Variants in GLRA3 observed in about 807,000 individuals in gnomAD.
The protein encoded by GLRA3 is glycine receptor subunit alpha-3.
GLRA3 carries 44 observed loss-of-function variants against 60.4 expected under a neutral mutation model. The ratio of observed to expected loss-of-function variants is 0.73; its 90% CI spans 0.57 to 0.94. The LOEUF (loss-of-function observed/expected upper bound fraction) is 0.94. Ranked by LOEUF, GLRA3 falls within the 40% of genes least tolerant of loss-of-function variation. The probability of loss-of-function intolerance (pLI) is 0.00; values close to 1 mark genes in which losing one functional copy is unlikely to be tolerated. For synonymous variants in GLRA3, 223 were observed against 192.9 expected (o/e 1.16, Z -1.29); for missense variants, 508 against 564.6 (o/e 0.90, Z 1.02).
At chr4:174,723,061 A>G (rs1269344082) in intron 4 of GLRA3, 2 of 167,084 alleles carry the variant, frequency 1.2e-5, no homozygotes, top group Non-Finnish European at 2.9e-5. Context: ...TGAGCAATTC[A>G]TAATGGATGA....
chr4:174,793,681 T>C (rs1739453060), intron 1 of GLRA3, among the ~76,000 whole-genome samples: 1 of 152,104 alleles, frequency 6.6e-6, no homozygotes, highest in African/African-American at 2.4e-5. Flanking sequence ...CATGAGCCAC[T>C]GCACCTGGCC....
chr4:174,758,092 G>A (rs1447990149), intron 3 of GLRA3, among the ~76,000 whole-genome samples: 1 of 152,122 alleles, frequency 6.6e-6, no homozygotes, highest in East Asian at 1.9e-4. Flanking sequence ...TGCCATGAGT[G>A]GAAGTAGATG....
intron 1 of GLRA3, among the ~76,000 whole-genome samples, chr4:174,796,527 T>C: frequency 6.6e-6 from 1 of 152,054 alleles, no homozygotes; most frequent in East Asian, 1.9e-4. Flanking sequence ...TTACATAGTC[T>C]ATCCCTTTCT....
At chr4:174,758,573 A>G (rs1308462456) in intron 3 of GLRA3, among the ~76,000 whole-genome samples, 10 of 152,194 alleles carry the variant, frequency 6.6e-5, no homozygotes, top group Admixed American at 1.3e-4. Context: ...TGGATAGGAT[A>G]ACGGGACAGA....
chr4:174,741,164 A>G (rs1235543474), intron 3 of GLRA3, among the ~76,000 whole-genome samples: 4 of 152,252 alleles, frequency 2.6e-5, no homozygotes, highest in African/African-American at 9.6e-5. Flanking sequence ...ACTGTTTTCT[A>G]GAATGGCTGT....
intron 7 of GLRA3, among the ~76,000 whole-genome samples, chr4:174,665,374 G>T (rs901632986): frequency 6.6e-6 from 1 of 151,206 alleles, no homozygotes; most frequent in Non-Finnish European, 1.5e-5. Flanking sequence ...CCAGAATAAC[G>T]CATCTCAGCA....
At chr4:174,744,974 C>A (rs1421411830) in intron 3 of GLRA3, among the ~76,000 whole-genome samples, 1 of 152,076 alleles carries the variant, frequency 6.6e-6, no homozygotes, top group South Asian at 2.1e-4. Flanking sequence ...GAACCAAACA[C>A]AAATTCTGTA....
intron 1 of GLRA3, among the ~76,000 whole-genome samples, chr4:174,793,968 C>CA (rs1401172636): frequency 6.6e-6 from 1 of 151,846 alleles, no homozygotes; most frequent in Non-Finnish European, 1.5e-5. Context: ...ACAACTTTGA[C>CA]AAAAAAGTAA....
chr4:174,798,289 A>T (rs931150760), intron 1 of GLRA3, among the ~76,000 whole-genome samples: 1 of 152,178 alleles, frequency 6.6e-6, no homozygotes, highest in African/African-American at 2.4e-5. Context: ...TCCGTGGGCC[A>T]GTCCTGTAGA....
At chr4:174,644,689 G>A (rs1406266361) in intron 9 of GLRA3, among the ~76,000 whole-genome samples, 1 of 151,964 alleles carries the variant, frequency 6.6e-6, no homozygotes, top group Non-Finnish European at 1.5e-5. Flanking sequence ...CAGGCACATT[G>A]GTTTGGTTGA....
chr4:174,736,214 T>C (rs1736779728), intron 3 of GLRA3, among the ~76,000 whole-genome samples: 1 of 152,276 alleles, frequency 6.6e-6, no homozygotes, highest in Admixed American at 6.5e-5. Context: ...TATTAATGTG[T>C]GTTTTTAAAA....
intron 1 of GLRA3, among the ~76,000 whole-genome samples, chr4:174,809,694 C>T (rs929563661): frequency 1.3e-5 from 2 of 152,086 alleles, no homozygotes. Flanking sequence ...GATTGTGCCG[C>T]TGCACTCCAG....
chr4:174,671,972 A>T (rs990252522), intron 7 of GLRA3, among the ~76,000 whole-genome samples: 7 of 152,152 alleles, frequency 4.6e-5, no homozygotes, highest in African/African-American at 1.7e-4. Context: ...AAATGAGGAC[A>T]GTTTCACAGA....
chr4:174,737,890 T>C (rs1174470200), intron 3 of GLRA3, among the ~76,000 whole-genome samples: 2 of 152,224 alleles, frequency 1.3e-5, no homozygotes, highest in African/African-American at 2.4e-5. Context: ...TTATTTTCTT[T>C]GGGAATTTTT....
chr4:174,803,781 A>G (rs1447089221), intron 1 of GLRA3, among the ~76,000 whole-genome samples: 1 of 152,180 alleles, frequency 6.6e-6, no homozygotes. Flanking sequence ...GTATCTTATG[A>G]GACTCAAATG....
chr4:174,642,402 A>T lies in GLRA3; in HGVS notation c.*1384T>A, dbSNP rs1389652919. On this transcript the variant is annotated 3_prime_UTR_variant, in exon 10 of 10. Transcript: ENST00000274093. ...TGTGCATCTGACCAATAATTAAAAT[A>T]CCTAAAAAGCATTCCAAAGCTTTTC... 5 of 963,918 alleles carry T rather than the reference A, an allele frequency of 5.2e-6. No individual in the cohort carries two copies. The South Asian group carries it at 2.4e-4, about 46-fold the overall frequency. 59.7% of individuals were successfully genotyped at this position (963,918 alleles called of 1,614,324 possible).
At chr4:174,761,233 T>G (rs1737931626) in intron 3 of GLRA3, among the ~76,000 whole-genome samples, 1 of 152,248 alleles carries the variant, frequency 6.6e-6, no homozygotes, top group East Asian at 1.9e-4. Context: ...AACATATATA[T>G]AGATATATGG....
At chr4:174,792,729 A>T (rs1739405841) in intron 1 of GLRA3, among the ~76,000 whole-genome samples, 1 of 152,234 alleles carries the variant, frequency 6.6e-6, no homozygotes, top group Non-Finnish European at 1.5e-5. Flanking sequence ...TTCTTCAGGA[A>T]AAAGGCTTTT....
chr4:174,732,064 T>C (rs1736568521), intron 3 of GLRA3, among the ~76,000 whole-genome samples: 2 of 152,050 alleles, frequency 1.3e-5, no homozygotes, highest in Non-Finnish European at 2.9e-5. Flanking sequence ...TATAAAAAGA[T>C]GGAAAAAATT....
Sources: gnomAD v4.1 joint callset for allele counts (sites outside exome capture counted in the v4.1 genomes callset) on GRCh38, gnomAD v4.1.1 for gene constraint, MANE v1.5 for transcripts, NCBI Gene and HGNC (gene_info 2026-07-23, HGNC 2026-07-21) for gene names.